Variants in PSMD1 observed in about 807,000 individuals in gnomAD.
PSMD1 encodes the protein proteasome 26S subunit, non-ATPase 1, also known as 26S proteasome non-ATPase regulatory subunit 1.
PSMD1 carries 18 observed loss-of-function variants against 119.0 expected under a neutral mutation model. The observed-to-expected ratio is 0.15, with a 90% CI of 0.10 to 0.22. The LOEUF is 0.22. PSMD1 is among the 10% of genes least tolerant of loss of function. PSMD1 has a pLI of 1.00. For synonymous variants in PSMD1, 374 were observed against 396.6 expected, an observed-to-expected ratio of 0.94 and a Z score of 0.68; for missense variants, 702 against 1,158.5, an observed-to-expected ratio of 0.61 and a Z score of 5.72.
At chr2:231,095,190 T>TG (rs1559227777) in intron 16 of PSMD1, among the ~76,000 whole-genome samples, 1 of 152,230 alleles carries the variant, frequency 6.6e-6, no homozygotes, top group African/African-American at 2.4e-5. Context: ...TGGGAGAGTC[T>TG]GGGGCTGTAT....
intron 16 of PSMD1, among the ~76,000 whole-genome samples, chr2:231,096,847 G>A (rs187914491): frequency 5.9e-5 from 9 of 152,326 alleles, no homozygotes; most frequent in Non-Finnish European, 8.8e-5. Context: ...CGGGGTGAGC[G>A]CTTTGGCGGG....
chr2:231,083,391 A>T lies in PSMD1; in HGVS notation c.1526-176A>T, dbSNP rs150417782. 8.8e-4 allele frequency among the ~76,000 whole-genome samples: 134 copies of T among 152,332 alleles called. 1 individual carries two copies. The highest frequency in any genetic ancestry group is 3.0e-3 in the African/African-American group (124 of 41,562). The stretch of plus-strand genomic sequence containing the variant: ...CTAAATATGAATGTGCGAACCCTAA[A>T]TGTATGAATGTGCTTCCACATAAAG... On this transcript the variant is annotated intron_variant, in intron 13 of 24. Coordinates refer to ENST00000308696, the MANE Select transcript of PSMD1 (RefSeq NM_002807.4).
chr2:231,143,684 TATG>T (rs1288465249), intron 17 of PSMD1, among the ~76,000 whole-genome samples: 11 of 152,218 alleles, frequency 7.2e-5, no homozygotes, highest in African/African-American at 2.7e-4. Context: ...GAACTTTTGT[TATG>T]ATATGTATAT....
intron 15 of PSMD1, 46 bp from the exon 16 acceptor site, chr2:231,087,070 AG>A: frequency 2.0e-6 from 3 of 1,522,228 alleles, no homozygotes; most frequent in Middle Eastern, 1.7e-4. Flanking sequence ...AGTTTGGTCT[AG>A]TGGTAGACTA....
At chr2:231,123,641 C>T in intron 16 of PSMD1, 1 of 1,614,038 alleles carries the variant, frequency 6.2e-7, no homozygotes, top group Non-Finnish European at 8.5e-7. Context: ...TGTTTCATTT[C>T]CTCTGGTATT....
At position 231,143,819 on chromosome 2, in the gene PSMD1, A is replaced by G. The variant is rs987833491; in HGVS notation, c.1999-2421A>G. On this transcript the variant is annotated intron_variant, in intron 17 of 24. Transcript: ENST00000308696. ...AAGGACTTCTTTTTTCATAGAACTG[A>G]TATTCTGAAGAATAGGATATTGGGG... is the stretch of plus-strand genomic sequence containing the variant. Among the ~76,000 whole-genome samples the G allele has an allele frequency of 3.3e-5, 5 of 152,336 alleles. No individual in the cohort carries two copies. The East Asian group carries it at 5.8e-4, about 18-fold the overall frequency.
chr2:231,085,258 G>A (rs1694403834), intron 15 of PSMD1, 144 bp downstream of exon 15: 2 of 681,918 alleles, frequency 2.9e-6, no homozygotes, highest in South Asian at 3.3e-5. Flanking sequence ...GGACCCAACA[G>A]GCCATAACCT....
At chr2:231,166,153 G>A in intron 23 of PSMD1, 136 bp downstream of exon 23, 1 of 969,632 alleles carries the variant, frequency 1.0e-6, no homozygotes, top group Non-Finnish European at 1.4e-6. Flanking sequence ...TTTAACAAAA[G>A]AGAGAATGTT....
chr2:231,110,658 C>T (rs747178110), intron 16 of PSMD1, among the ~76,000 whole-genome samples: 5 of 152,208 alleles, frequency 3.3e-5, no homozygotes, highest in Non-Finnish European at 5.9e-5. Flanking sequence ...ACTTTCTCTA[C>T]TTTTCCTCAT....
At chr2:231,072,148 GT>G in intron 6 of PSMD1, 40 bp from the exon 7 acceptor site, 1 of 1,529,312 alleles carries the variant, frequency 6.5e-7, no homozygotes, top group Non-Finnish European at 9.0e-7. Flanking sequence ...TGTAGATGAA[GT>G]TTTTAATTAT....
chr2:231,139,314 C>CTTTTTTTTTTTTTTTT (rs60709158), intron 17 of PSMD1, among the ~76,000 whole-genome samples: 8 of 93,538 alleles, frequency 8.6e-5, no homozygotes, highest in Admixed American at 1.2e-4. Flanking sequence ...TTTTTTCTTT[C>CTTTTTTTTTTTTTTTT]TTTTTTTTTT....
intron 17 of PSMD1, among the ~76,000 whole-genome samples, chr2:231,145,634 C>G (rs1198748210): frequency 6.6e-6 from 1 of 151,984 alleles, no homozygotes; most frequent in Non-Finnish European, 1.5e-5. Flanking sequence ...TGGCTCACGC[C>G]TATAATCGCA....
Position 231,131,667 on chromosome 2 carries a change from C to T in PSMD1, c.1884-7069C>T. ...GTCCCAGCTACTTGGGAGGCTGAGG[C>T]AGGAGAATGGCGTGAACCCGGGAGG... is the stretch of plus-strand genomic sequence containing the variant. On this transcript the variant is annotated intron_variant, in intron 16 of 24. Coordinates refer to ENST00000308696, the MANE Select transcript of PSMD1 (RefSeq NM_002807.4). Among the ~76,000 whole-genome samples the T allele has an allele frequency of 2.4e-5, 2 of 83,868 alleles. 1 individual carries two copies. The highest frequency in any genetic ancestry group is 3.8e-5 in the Non-Finnish European group (2 of 52,442). The allele number at this position is 83,868 out of a possible 152,430, so 55.0% of individuals were successfully genotyped here.
intron 12 of PSMD1, among the ~76,000 whole-genome samples, chr2:231,081,731 A>G (rs1265111649): frequency 6.6e-6 from 1 of 152,252 alleles, no homozygotes; most frequent in South Asian, 2.1e-4. Flanking sequence ...CATGCTGTGC[A>G]TTCAGAAATG....
intron 17 of PSMD1, among the ~76,000 whole-genome samples, chr2:231,141,425 T>A (rs895671842): frequency 1.3e-4 from 19 of 148,066 alleles, no homozygotes; most frequent in Middle Eastern, 3.4e-3. Context: ...GCTATACTTT[T>A]TTTTTTTTTT....
chr2:231,147,062 C>G (rs1341132049), intron 18 of PSMD1, among the ~76,000 whole-genome samples: 1 of 152,182 alleles, frequency 6.6e-6, no homozygotes, highest in African/African-American at 2.4e-5. Context: ...CCCTCTGAAC[C>G]CCTATTCTGT....
chr2:231,127,575 G>A (rs1013592950), intron 16 of PSMD1, among the ~76,000 whole-genome samples: 7 of 152,208 alleles, frequency 4.6e-5, no homozygotes, highest in Middle Eastern at 3.4e-3. Flanking sequence ...GGATGGTCTC[G>A]AACTCTTGAC....
intron 1 of PSMD1, among the ~76,000 whole-genome samples, chr2:231,059,877 T>C (rs1402466939): frequency 6.6e-6 from 1 of 152,014 alleles, no homozygotes; most frequent in Non-Finnish European, 1.5e-5. Flanking sequence ...ATGTATGGAG[T>C]GTAGAGTATT....
In PSMD1 at chr2:231,077,172, T is replaced by C; in HGVS notation, c.1071+10T>C. 2 of 1,476,248 alleles carry C rather than the reference T, an allele frequency of 1.4e-6. No individual in the cohort carries two copies. The highest frequency in any genetic ancestry group is 1.8e-6 in the Non-Finnish European group (2 of 1,096,156). The allele number at this position is 1,476,248 out of a possible 1,614,324, so 91.4% of individuals were successfully genotyped here. A position where few individuals can be genotyped will look rare whatever the true frequency, so the allele number is the denominator to read the frequency against. On this transcript the variant is annotated intron_variant, in intron 9 of 24. Transcript: ENST00000308696. ...TCTAAAAAACACAAAGGTAAGAAAT[T>C]CATCAATAATAGAGGATTTTAAAAA...
Sources: allele counts gnomAD v4.1 joint callset (sites outside exome capture counted in the v4.1 genomes callset), GRCh38; gene constraint gnomAD v4.1.1; transcripts MANE v1.5; gene names NCBI Gene and HGNC (gene_info 2026-07-23, HGNC 2026-07-21).